Variants in SF3B1 observed in about 807,000 individuals in gnomAD.
SF3B1 encodes the protein pre-mRNA processing 10.
SF3B1 carries 12 observed loss-of-function variants against 153.8 expected under a neutral mutation model. The ratio of observed to expected loss-of-function variants is 0.08; its 90% CI spans 0.05 to 0.13. SF3B1 has a LOEUF of 0.13. Ranked by LOEUF, SF3B1 falls within the 10% of genes least tolerant of loss-of-function variation. SF3B1 has a pLI of 1.00. For synonymous variants in SF3B1, 498 were observed against 525.2 expected, an observed-to-expected ratio of 0.95 and a Z score of 0.71; for missense variants, 513 against 1,606.1, an observed-to-expected ratio of 0.32 and a Z score of 11.63.
chr2:197,434,780 G>T lies in SF3B1; in HGVS notation c.28+192C>A, dbSNP rs116131848. Among the ~76,000 whole-genome samples, 319 of 152,392 alleles carry T rather than the reference G, an allele frequency of 2.1e-3. 1 individual carries two copies. Among genetic ancestry groups the T allele is most frequent in the Admixed American group, 3.9e-3 (59 of 15,306 alleles). ...CAAACACTGAACAAAGCGCCTGTCG[G>T]GGGTGTAAGAGGAGGACGCCATTAC... On this transcript the variant is annotated intron_variant, in intron 1 of 24. Coordinates refer to ENST00000335508, the MANE Select transcript of SF3B1 (RefSeq NM_012433.4).
intron 22 of SF3B1, among the ~76,000 whole-genome samples, chr2:197,397,525 G>A (rs908225041): frequency 7.9e-5 from 12 of 152,208 alleles, no homozygotes; most frequent in Non-Finnish European, 1.5e-4. Context: ...GCTGTGCGCA[G>A]TGGCTCACGC....
chr2:197,424,440 G>A (rs1229144794), intron 1 of SF3B1, among the ~76,000 whole-genome samples: 1 of 150,692 alleles, frequency 6.6e-6, no homozygotes, highest in African/African-American at 2.4e-5. Flanking sequence ...GGCGGAGGTT[G>A]CAGATCACAC....
At chr2:197,420,191 C>A in intron 4 of SF3B1, 1 of 431,570 alleles carries the variant, frequency 2.3e-6, no homozygotes. Flanking sequence ...TAACCCTTTG[C>A]GTTTCTATGG....
chr2:197,408,587 A>G lies in SF3B1; in HGVS notation c.905-6T>C. On this transcript the variant is annotated splice_region_variant and splice_polypyrimidine_tract_variant and intron_variant, in intron 7 of 24. Coordinates refer to ENST00000335508, the MANE Select transcript of SF3B1 (RefSeq NM_012433.4). ...ACTTCCATGCCCAGGAGTATCTTTA[A>G]AAAGAAAGAGTGAGTAAAACCACAA... 2 of 1,601,852 alleles carry G rather than the reference A, an allele frequency of 1.2e-6. No homozygotes were observed. The highest frequency in any genetic ancestry group is 1.7e-6 in the Non-Finnish European group (2 of 1,170,598).
Position 197,410,018 on chromosome 2 carries a change from CA to C in SF3B1, c.667-12del. On this transcript the variant is annotated splice_polypyrimidine_tract_variant and intron_variant, in intron 6 of 24. Transcript: ENST00000335508. The stretch of plus-strand genomic sequence containing the variant: ...AGTATGCCCAGGGGTCTTAAAAAAG[CA>C]AAAAAATTTTATTTCACACACCCAC... 4 of 1,561,588 alleles carry C rather than the reference CA, an allele frequency of 2.6e-6. No homozygotes were observed. Among genetic ancestry groups the C allele is most frequent in the South Asian group, 1.2e-5 (1 of 85,414 alleles).
chr2:197,408,298 G>C, intron 8 of SF3B1, 71 bp downstream of exon 8: 1 of 1,467,588 alleles, frequency 6.8e-7, no homozygotes, highest in Non-Finnish European at 9.4e-7. Flanking sequence ...ATAGTACACA[G>C]AATACCACAA....
chr2:197,392,531 A>T lies in SF3B1; in HGVS notation c.3757-70T>A, dbSNP rs138693494. The T allele has an allele frequency of 4.7e-3, 2,100 of 444,676 alleles. 43 individuals are homozygous for T. The highest frequency in any genetic ancestry group is 0.023 in the African/African-American group (1,029 of 43,950). 27.5% of individuals were successfully genotyped at this position (444,676 alleles called of 1,614,324 possible). On this transcript the variant is annotated intron_variant, in intron 24 of 24. Transcript: ENST00000335508. ...ACATAACCTTAACAAAATTAAGAAA[A>T]CATAAAGATATGATTCAAAATTATT...
At chr2:197,397,630 T>C (rs1035676909) in intron 22 of SF3B1, among the ~76,000 whole-genome samples, 2 of 152,072 alleles carry the variant, frequency 1.3e-5, no homozygotes, top group Non-Finnish European at 2.9e-5. Flanking sequence ...ACCTCATCTC[T>C]ACTAAAAAAT....
At chr2:197,408,876 G>A (rs2085027958) in intron 7 of SF3B1, among the ~76,000 whole-genome samples, 1 of 151,942 alleles carries the variant, frequency 6.6e-6, no homozygotes, top group African/African-American at 2.4e-5. Context: ...TCAGCCGAGA[G>A]CGCACCACTG....
At chr2:197,404,031 C>A (rs2084962403) in intron 11 of SF3B1, among the ~76,000 whole-genome samples, 1 of 152,192 alleles carries the variant, frequency 6.6e-6, no homozygotes, top group Non-Finnish European at 1.5e-5. Context: ...CCTGAAGTAT[C>A]TTCCATTTCC....
upstream of SF3B1, chr2:197,435,061 G>C (rs2085502941): frequency 6.2e-7 from 1 of 1,612,826 alleles, no homozygotes; most frequent in Admixed American, 1.7e-5. Context: ...CGTCGCCGCC[G>C]CCACGGAGAA....
At position 197,408,597 on chromosome 2, in the gene SF3B1, GT is replaced by G. The variant is rs1391381529; in HGVS notation, c.905-17del. ...CCAGGAGTATCTTTAAAAAGAAAGA[GT>G]GAGTAAAACCACAATTTTAATCACT... On this transcript the variant is annotated splice_polypyrimidine_tract_variant and intron_variant, in intron 7 of 24. Coordinates refer to ENST00000335508, the MANE Select transcript of SF3B1 (RefSeq NM_012433.4). The G allele has an allele frequency of 2.6e-6, 4 of 1,568,240 alleles. No individual in the cohort carries two copies. The highest frequency in any genetic ancestry group is 3.5e-6 in the Non-Finnish European group (4 of 1,140,238).
chr2:197,402,794 C>A lies in SF3B1; in HGVS notation c.1839G>T (p.Met613Ile). Reference sequence around the variant, plus strand: ...CATCCATGTTATCTATATCAGGTCTCATGGTAGAGATCATAGTAGCCAGAC... The same window carrying A: ...CATCCATGTTATCTATATCAGGTCTAATGGTAGAGATCATAGTAGCCAGAC... ...AAGLATMIST[M>I]RPDIDNMDEY... Residue 613 changes from methionine to isoleucine, a missense_variant, in exon 14 of 25, where the codon ATG becomes ATT. By Grantham distance (10) the Met-to-Ile change is conservative. This residue lies in a region of SF3B1 where 34 missense variants were observed against 190.8 expected (regional missense o/e 0.18). Coordinates refer to ENST00000335508, the MANE Select transcript of SF3B1 (RefSeq NM_012433.4). The surrounding 1 kb of genome is among the most constrained non-coding windows in gnomAD (Gnocchi z 4.6). 6.2e-7 allele frequency: 1 copy of A among 1,614,086 alleles called. No homozygotes were observed. Among genetic ancestry groups the A allele is most frequent in the South Asian group, 1.1e-5 (1 of 91,050 alleles).
chr2:197,409,820 G>A lies in SF3B1; in HGVS notation c.854C>T (p.Thr285Ile), dbSNP rs1005677035. 6.2e-7 allele frequency: 1 copy of A among 1,613,956 alleles called. No homozygotes were observed. The highest frequency in any genetic ancestry group is 1.3e-5 in the African/African-American group (1 of 74,918). Residue 285 changes from threonine to isoleucine, a missense_variant, in exon 7 of 25, where the codon ACT (threonine) becomes ATT (isoleucine). By Grantham distance (89) the Thr-to-Ile change is moderately conservative (BLOSUM62 -1). This residue lies in a region of SF3B1 where 91 missense variants were observed against 157.4 expected (regional missense o/e 0.58). Coordinates refer to ENST00000335508, the MANE Select transcript of SF3B1 (RefSeq NM_012433.4). Reference protein sequence around the residue: ...GHATPGHGGATSSARKNRWDE... With the variant: ...GHATPGHGGAISSARKNRWDE... ...CCATCTGTTTTTACGAGCACTGGAA[G>A]TTGCGCCTCCATGGCCTGGTGTCGC...
chr2:197,423,776 T>C (rs1314738571), intron 2 of SF3B1, 32 bp downstream of exon 2: 3 of 1,601,604 alleles, frequency 1.9e-6, no homozygotes, highest in Non-Finnish European at 2.6e-6. Context: ...CTCAAAAAAA[T>C]AACTGCCTCT....
intron 12 of SF3B1, among the ~76,000 whole-genome samples, chr2:197,403,269 A>G (rs1165598342): frequency 1.3e-5 from 2 of 152,194 alleles, no homozygotes; most frequent in Non-Finnish European, 2.9e-5. Context: ...AATAACTTAT[A>G]CACCCTATGA....
intron 23 of SF3B1, among the ~76,000 whole-genome samples, chr2:197,394,649 T>C (rs1187730846): frequency 6.6e-6 from 1 of 152,216 alleles, no homozygotes; most frequent in African/African-American, 2.4e-5. Context: ...CTCACGCCTG[T>C]AATCCCAGCA....
In SF3B1 at chr2:197,405,174, C is replaced by G. The variant is rs2105990411; in HGVS notation, c.1441G>C (p.Asp481His). 1.2e-6 allele frequency: 2 copies of G among 1,605,820 alleles called. No homozygotes were observed. Among genetic ancestry groups the G allele is most frequent in the Non-Finnish European group, 1.7e-6 (2 of 1,174,610 alleles). The change falls in exon 11 of 25, where the codon GAT (aspartate) becomes CAT (histidine). Residue 481 changes from aspartate to histidine, a missense_variant. This residue lies in a region of SF3B1 where 34 missense variants were observed against 190.8 expected (regional missense o/e 0.18). Coordinates refer to ENST00000335508, the MANE Select transcript of SF3B1 (RefSeq NM_012433.4). The part of the protein sequence containing the change: ...DIQYFDKLLV[D>H]VDESTLSPEE... ...GGACTAAGTGTTGATTCATCAACAT[C>G]AACCTATAGTAAAAAGAAAAAAATG...
chr2:197,424,124 C>T (rs1463206565), intron 1 of SF3B1, 150 bp from the exon 2 acceptor site: 35 of 697,050 alleles, frequency 5.0e-5, no homozygotes, highest in Non-Finnish European at 7.7e-5. Flanking sequence ...GTAATCACAA[C>T]AGCGTAAGCA....
Sources: gnomAD v4.1 joint callset for allele counts (sites outside exome capture counted in the v4.1 genomes callset) on GRCh38, gnomAD v4.1.1 for gene constraint, gnomAD v4.1.1 regional missense constraint, Gnocchi (gnomAD v3.1) non-coding constraint, MANE v1.5 for transcripts, NCBI Gene and HGNC (gene_info 2026-07-23, HGNC 2026-07-21) for gene names.